The following PPP1R12A variants were observed in gnomAD, a reference collection of about 807,000 sequenced individuals.
The protein encoded by PPP1R12A is protein phosphatase 1 regulatory subunit 12A.
In PPP1R12A, 19 loss-of-function variants were observed where a neutral mutation model predicts 139.6. The observed-to-expected ratio is 0.14, with a 90% confidence interval of 0.09 to 0.20. The LOEUF (loss-of-function observed/expected upper bound fraction) is 0.20. Among genes scored for constraint, PPP1R12A ranks in the 10% least tolerant of loss-of-function variants. The probability of loss-of-function intolerance (pLI) is 1.00; values close to 1 mark genes in which losing one functional copy is unlikely to be tolerated. For missense variants in PPP1R12A, 925 were observed against 1,211.5 expected (o/e 0.76, Z 3.51); for synonymous variants, 427 against 420.6 (o/e 1.02, Z -0.19).
intron 1 of PPP1R12A, among the ~76,000 whole-genome samples, chr12:79,929,765 T>C (rs1474423005): frequency 6.7e-6 from 1 of 149,764 alleles, no homozygotes; most frequent in East Asian, 1.9e-4. Context: ...TGAGACTCCA[T>C]CTCAAAAAAA....
chr12:79,819,903 C>G (rs1875875713), intron 8 of PPP1R12A, among the ~76,000 whole-genome samples: 1 of 149,716 alleles, frequency 6.7e-6, no homozygotes, highest in Non-Finnish European at 1.5e-5. Context: ...TGGAAACAGA[C>G]ATATTTAATA....
intron 2 of PPP1R12A, among the ~76,000 whole-genome samples, chr12:79,868,898 G>C (rs377277864): frequency 6.6e-6 from 1 of 152,114 alleles, no homozygotes; most frequent in East Asian, 1.9e-4. Flanking sequence ...TATAGTAAGT[G>C]CTTACATATT....
rs75808419 is a variant in PPP1R12A, at chr12:79,824,186, A to G, written c.793-1996T>C. On this transcript the variant is annotated intron_variant, in intron 5 of 24. Coordinates refer to ENST00000450142, the MANE Select transcript of PPP1R12A (RefSeq NM_002480.3). The stretch of plus-strand genomic sequence containing the variant: ...TGGCTCAAAACTTAAGGTGCCCTTT[A>G]AATTAGAAATACATGTTAATTCTAG... 7.9e-3 allele frequency among the ~76,000 whole-genome samples: 1,210 copies of G among 152,350 alleles called. 15 individuals carry two copies. The highest frequency in any genetic ancestry group is 0.027 in the African/African-American group (1,112 of 41,580).
intron 20 of PPP1R12A, 37 bp from the exon 21 acceptor site, chr12:79,788,820 A>ATTATAAC (rs1485409359): frequency 1.3e-6 from 2 of 1,520,000 alleles, no homozygotes; most frequent in Non-Finnish European, 1.8e-6. Flanking sequence ...ACCTTGTTAT[A>ATTATAAC]GGCTTTTACA....
rs1197430928 is a variant in PPP1R12A at position 79,878,107 on chromosome 12, G to A, written c.238-5169C>T. ...ACTACAAAACTACAAATCTTTGCTG[G>A]GGTGATTTTTAGATAGGGATATACA... On this transcript the variant is annotated intron_variant, in intron 1 of 24. Transcript: ENST00000450142. Among the ~76,000 whole-genome samples, 4 of 150,978 alleles carry A rather than the reference G, an allele frequency of 2.6e-5. No homozygotes were observed. The East Asian group carries it at 5.8e-4, about 22-fold the overall frequency.
chr12:79,798,655 T>A, intron 14 of PPP1R12A, 71 bp from the exon 15 acceptor site: 1 of 830,094 alleles, frequency 1.2e-6, no homozygotes, highest in South Asian at 2.2e-5. Flanking sequence ...TATCAATGCA[T>A]ATGAATAAAA....
At chr12:79,812,510 C>A (rs531580685) in intron 9 of PPP1R12A, among the ~76,000 whole-genome samples, 1 of 151,462 alleles carries the variant, frequency 6.6e-6, no homozygotes, top group African/African-American at 2.4e-5. Flanking sequence ...GCTCTTGGAT[C>A]TCTCATATTC....
intron 14 of PPP1R12A, among the ~76,000 whole-genome samples, chr12:79,799,865 C>T (rs1320325228): frequency 6.6e-6 from 1 of 151,970 alleles, no homozygotes. Context: ...GAAAAATTAG[C>T]CAGGCATGTG....
At chr12:79,855,280 G>T (rs1335947855) in intron 2 of PPP1R12A, among the ~76,000 whole-genome samples, 1 of 152,034 alleles carries the variant, frequency 6.6e-6, no homozygotes, top group South Asian at 2.1e-4. Flanking sequence ...GAGCCACCGC[G>T]CCTGGCCCCC....
At position 79,803,198 on chromosome 12, in the gene PPP1R12A, C is replaced by T. The variant is rs151196811; in HGVS notation, c.2000+2394G>A. Among the ~76,000 whole-genome samples, 1,329 of 152,310 alleles carry T rather than the reference C, an allele frequency of 8.7e-3. 22 individuals are homozygous for T. The highest frequency in any genetic ancestry group is 0.031 in the African/African-American group (1,278 of 41,564). On this transcript the variant is annotated intron_variant, in intron 14 of 24. Coordinates refer to ENST00000450142, the MANE Select transcript of PPP1R12A (RefSeq NM_002480.3). ...AGCTTATCAATTTGTAATATAAACA[C>T]ATTTCCTTTATTTGATAATTACCAC...
intron 3 of PPP1R12A, among the ~76,000 whole-genome samples, chr12:79,843,675 T>TAGATAC (rs1213234530): frequency 6.9e-6 from 1 of 144,512 alleles, no homozygotes. Flanking sequence ...GATATAGATA[T>TAGATAC]ATGGTAAATT....
intron 1 of PPP1R12A, among the ~76,000 whole-genome samples, chr12:79,904,622 A>C (rs1249450883): frequency 6.6e-6 from 1 of 152,188 alleles, no homozygotes; most frequent in Non-Finnish European, 1.5e-5. Flanking sequence ...CAGTGGTACA[A>C]GTTCTTCCCT....
At chr12:79,845,506 TATAAAGCAGCA>T in intron 2 of PPP1R12A, 86 bp from the exon 3 acceptor site, 1 of 993,696 alleles carries the variant, frequency 1.0e-6, no homozygotes, top group Non-Finnish European at 1.5e-6. Flanking sequence ...AAAGTTCCTA[TATAAAGCAGCA>T]ATAAAGGGCA....
At chr12:79,873,881 G>T (rs879457390) in intron 1 of PPP1R12A, among the ~76,000 whole-genome samples, 3 of 152,166 alleles carry the variant, frequency 2.0e-5, no homozygotes, top group Non-Finnish European at 4.4e-5. Context: ...ACTTTTCCAT[G>T]CAACATTATG....
At chr12:79,832,302 TA>T (rs1565765816) in intron 4 of PPP1R12A, 29 bp downstream of exon 4, 1 of 1,563,630 alleles carries the variant, frequency 6.4e-7, no homozygotes, top group South Asian at 1.2e-5. Context: ...CAAACTAAAA[TA>T]GAAAAACTCT....
Position 79,820,891 on chromosome 12 carries a change from G to A in PPP1R12A, c.997C>T (p.Arg333Cys), listed in dbSNP as rs757625740. The change falls in exon 8 of 25, where the codon CGT becomes TGT. Residue 333 changes from arginine (R) to cysteine (C), a missense_variant. This residue lies in a region of PPP1R12A where 403 missense variants were observed against 463.7 expected (regional missense o/e 0.87). Coordinates refer to ENST00000450142, the MANE Select transcript of PPP1R12A (RefSeq NM_002480.3). ...LIIEPEKNAS[R>C]IESLEQEKVD... is the part of the protein sequence containing the mutation. ...TTTTCTTGTTCCAGAGATTCAATAC[G>A]GGATGCATTTTTCTCTGGTTCAATA... 41 of 1,613,150 alleles carry A rather than the reference G, an allele frequency of 2.5e-5. No individual in the cohort carries two copies. The highest frequency in any genetic ancestry group is 1.6e-4 in the Middle Eastern group (1 of 6,080).
Position 79,799,446 on chromosome 12 carries a change from G to A in PPP1R12A, c.2001-862C>T, listed in dbSNP as rs935438983. On this transcript the variant is annotated intron_variant, in intron 14 of 24. Transcript: ENST00000450142. ...ATTAAAGGCGTGGGCCACCGCGCCC[G>A]GTCTCCCTGCATTCTTGTCAGTGTG... Among the ~76,000 whole-genome samples, 6 of 152,072 alleles carry A rather than the reference G, an allele frequency of 3.9e-5. No individual in the cohort carries two copies. The East Asian group carries it at 5.8e-4, about 15-fold the overall frequency.
At chr12:79,886,409 T>C (rs973247318) in intron 1 of PPP1R12A, among the ~76,000 whole-genome samples, 1 of 152,200 alleles carries the variant, frequency 6.6e-6, no homozygotes, top group Non-Finnish European at 1.5e-5. Context: ...ACCTTTCTAC[T>C]ACCTCAGGTG....
In PPP1R12A at chr12:79,859,515, ATAAG is replaced by A. The variant is rs1335800489; in HGVS notation, c.368+13289_368+13292del. ...TATAATGCAGAAGAAAAGCCAAGCC[ATAAG>A]TAAGTCGCCACACATATTTCAAAGT... On this transcript the variant is annotated intron_variant, in intron 2 of 24. Transcript: ENST00000450142. Among the ~76,000 whole-genome samples, 4 of 152,308 alleles carry A rather than the reference ATAAG, an allele frequency of 2.6e-5. No homozygotes were observed. The South Asian group carries it at 6.2e-4, about 24-fold the overall frequency.
Sources: allele counts gnomAD v4.1 joint callset (sites outside exome capture counted in the v4.1 genomes callset), GRCh38; gene constraint gnomAD v4.1.1; regional missense constraint gnomAD v4.1.1; transcripts MANE v1.5; gene names NCBI Gene and HGNC (gene_info 2026-07-23, HGNC 2026-07-21).